Variants in KIF1C observed in about 807,000 individuals in gnomAD.
The protein encoded by KIF1C is kinesin family member 1C.
In KIF1C, 61 loss-of-function variants were observed where a neutral mutation model predicts 126.5. The ratio of observed to expected loss-of-function variants is 0.48; its 90% CI spans 0.39 to 0.60. The LOEUF (loss-of-function observed/expected upper bound fraction) is 0.60, where lower values mean the gene tolerates loss of function less well. Among genes scored for constraint, KIF1C ranks in the 20% least tolerant of loss-of-function variants. The pLI is 0.00. For missense variants in KIF1C, 1,315 were observed against 1,489.2 expected (o/e 0.88, Z 1.93); for synonymous variants, 640 against 580.6 (o/e 1.10, Z -1.47).
intron 1 of KIF1C, among the ~76,000 whole-genome samples, chr17:4,999,498 C>T (rs1292662486): frequency 6.6e-6 from 1 of 151,908 alleles, no homozygotes; most frequent in Non-Finnish European, 1.5e-5. Context: ...TCAGGCTTGC[C>T]TTTTGTCTTA....
rs1974754198 is a variant in KIF1C, at chr17:5,007,181, G to A, written c.1336-82G>A. 3.2e-6 allele frequency: 5 copies of A among 1,565,774 alleles called. No individual in the cohort carries two copies. In the South Asian group the frequency reaches 3.4e-5, roughly 11 times the overall value. On this transcript the variant is annotated intron_variant, in intron 14 of 22. Coordinates refer to ENST00000320785, the MANE Select transcript of KIF1C (RefSeq NM_006612.6). Reference sequence around the variant, plus strand: ...TGAGAAAGAAGGAATTCTAGGAGTAGCATGGCCCCAGGGTAGGTTGTCCCT... The same window carrying A: ...TGAGAAAGAAGGAATTCTAGGAGTAACATGGCCCCAGGGTAGGTTGTCCCT...
At chr17:5,004,184 C>A in intron 11 of KIF1C, 111 bp downstream of exon 11, 1 of 841,170 alleles carries the variant, frequency 1.2e-6, no homozygotes, top group Non-Finnish European at 2.0e-6. Flanking sequence ...CGTTGTCTTA[C>A]TTCTCCCCCT....
rs372705324 is a variant in KIF1C at position 5,022,648 on chromosome 17, G to A, written c.2567G>A (p.Arg856Gln). ...AAGCTGCAGAACAGCAGCAAGGACC[G>A]GGAGCTGCAGGCCCTGCGGGACCGC... ...EVKLQNSSKD[R>Q]ELQALRDRML... Residue 856 changes from arginine (R) to glutamine (Q), a missense_variant, in exon 22 of 23, where the codon CGG becomes CAG. Arg to Gln is a conservative substitution (Grantham distance 43, BLOSUM62 1). This residue lies in a region of KIF1C where 441 missense variants were observed against 436.1 expected (regional missense o/e 1.01). Transcript: ENST00000320785. This position sits in a 1 kb window ranked among gnomAD's most constrained non-coding sequence, Gnocchi z 4.9. The A allele has an allele frequency of 1.3e-5, 21 of 1,601,896 alleles. No homozygotes were observed. In the East Asian group the frequency reaches 1.6e-4, roughly 12 times the overall value.
Position 5,022,545 on chromosome 17 carries a change from G to A in KIF1C, c.2464G>A (p.Glu822Lys), listed in dbSNP as rs1487328639. 17 of 1,589,112 alleles carry A rather than the reference G, an allele frequency of 1.1e-5. No individual in the cohort carries two copies. The highest frequency in any genetic ancestry group is 1.5e-5 in the Non-Finnish European group (17 of 1,167,134). Residue 822 changes from glutamate to lysine, a missense_variant, in exon 22 of 23, where the codon GAG (glutamate) becomes AAG (lysine). Physicochemically the swap from Glu to Lys is moderately conservative, Grantham distance 56. Transcript: ENST00000320785. This position sits in a 1 kb window ranked among gnomAD's most constrained non-coding sequence, Gnocchi z 4.9. ...GGGAGSGGGS[E>K]EGARGAEVED... is the part of the protein sequence containing the mutation. ...TGGAGCTGGCAGTGGTGGTGGCAGTGAGGAGGGAGCCCGAGGGGCGGAGGT... is the reference window on the plus strand; with the variant it reads ...TGGAGCTGGCAGTGGTGGTGGCAGTAAGGAGGGAGCCCGAGGGGCGGAGGT...
chr17:5,006,871 C>T (rs1051351081), intron 13 of KIF1C, 44 bp from the exon 14 acceptor site: 11 of 1,603,972 alleles, frequency 6.9e-6, no homozygotes, highest in Non-Finnish European at 9.4e-6. Context: ...TCATCAGCTC[C>T]TTCTTTCCTT....
chr17:5,007,508 A>G lies in KIF1C; in HGVS notation c.1457A>G (p.Asp486Gly), dbSNP rs1173171673. Residue 486 changes from aspartate to glycine, a missense_variant, in exon 16 of 23, where the codon GAT (aspartate) becomes GGT (glycine). Asp to Gly is a moderately conservative substitution (Grantham distance 94). This residue lies in a region of KIF1C where 874 missense variants were observed against 1,053.2 expected (regional missense o/e 0.83). Transcript: ENST00000320785. Reference protein sequence around the residue: ...LAEMGVAVREDGGTVGVFSPK... With the variant: ...LAEMGVAVREGGGTVGVFSPK... ...GAGATGGGGGTGGCCGTCCGGGAGG[A>G]TGGGGGAACTGTGGGCGTCTTCTCT... 6.4e-7 allele frequency: 1 copy of G among 1,570,266 alleles called. No homozygotes were observed. The highest frequency in any genetic ancestry group is 8.6e-7 in the Non-Finnish European group (1 of 1,158,126).
rs1974935667 is a variant in KIF1C, at chr17:5,014,728, C to T, written c.1572-15C>T. On this transcript the variant is annotated splice_polypyrimidine_tract_variant and intron_variant, in intron 17 of 22. Coordinates refer to ENST00000320785, the MANE Select transcript of KIF1C (RefSeq NM_006612.6). ...TCTGGCACATGCTCACAAACGTTGG[C>T]CATTGCTTCCCCAGGGTCGGCCAAG... The T allele has an allele frequency of 1.9e-6, 3 of 1,570,418 alleles. No homozygotes were observed. In the African/African-American group the frequency reaches 4.0e-5, roughly 21 times the overall value.
chr17:5,000,989 G>C, intron 4 of KIF1C, 141 bp downstream of exon 4: 1 of 976,342 alleles, frequency 1.0e-6, no homozygotes, highest in Non-Finnish European at 1.6e-6. Context: ...GGGGTGGTAG[G>C]ACCCTTAGGC....
At chr17:5,002,864 C>T in intron 8 of KIF1C, 22 bp downstream of exon 8, 1 of 1,499,040 alleles carries the variant, frequency 6.7e-7, no homozygotes, top group East Asian at 2.3e-5. Context: ...CCCCCCCCCA[C>T]TCCCCCACCG....
At chr17:5,012,557 A>G (rs955216074) in intron 16 of KIF1C, among the ~76,000 whole-genome samples, 1 of 152,068 alleles carries the variant, frequency 6.6e-6, no homozygotes, top group South Asian at 2.1e-4. Context: ...CAGGGGAAAA[A>G]GTAGGCTCAA....
chr17:5,009,155 T>A (rs1974803096), intron 16 of KIF1C, among the ~76,000 whole-genome samples: 1 of 151,222 alleles, frequency 6.6e-6, no homozygotes, highest in Non-Finnish European at 1.5e-5. Context: ...ACCCTTAAGT[T>A]TCCCCTCAGA....
intron 18 of KIF1C, among the ~76,000 whole-genome samples, chr17:5,015,110 AG>A (rs1974945185): frequency 1.3e-5 from 2 of 152,164 alleles, no homozygotes; most frequent in Non-Finnish European, 2.9e-5. Context: ...AGTGAGCCAG[AG>A]TGTGGGATTT....
chr17:5,014,678 G>A (rs1974934677), intron 17 of KIF1C, 65 bp from the exon 18 acceptor site: 2 of 1,121,502 alleles, frequency 1.8e-6, no homozygotes, highest in East Asian at 2.6e-5. Context: ...GGATAAACTG[G>A]TGTTCAGGAG....
chr17:5,022,648 G>T lies in KIF1C; in HGVS notation c.2567G>T (p.Arg856Leu), dbSNP rs372705324. The T allele has an allele frequency of 1.9e-6, 3 of 1,601,896 alleles. No individual in the cohort carries two copies. The African/African-American group carries it at 4.0e-5, about 21-fold the overall frequency. ...EVKLQNSSKD[R>L]ELQALRDRML... ...AAGCTGCAGAACAGCAGCAAGGACC[G>T]GGAGCTGCAGGCCCTGCGGGACCGC... The change falls in exon 22 of 23, where the codon CGG becomes CTG. Residue 856 changes from arginine to leucine, a missense_variant. Around this residue, in one of 2 missense-constraint regions of KIF1C, gnomAD observed 441 missense variants for 436.1 expected, o/e 1.01. Coordinates refer to ENST00000320785, the MANE Select transcript of KIF1C (RefSeq NM_006612.6). The surrounding 1 kb of genome is among the most constrained non-coding windows in gnomAD (Gnocchi z 4.9).
intron 3 of KIF1C, 79 bp downstream of exon 3, chr17:5,000,431 A>G: frequency 2.1e-6 from 2 of 963,120 alleles, no homozygotes; most frequent in South Asian, 2.8e-5. Context: ...CGCTGGGCCA[A>G]ACTAAGAGGA....
intron 18 of KIF1C, chr17:5,019,742 G>A (rs916899126): frequency 5.7e-6 from 3 of 521,938 alleles, no homozygotes; most frequent in Non-Finnish European, 1.1e-5. Flanking sequence ...TGCTGCTGGG[G>A]AGGATAGAGG....
chr17:5,018,810 G>A (rs1240249907), intron 18 of KIF1C, among the ~76,000 whole-genome samples: 1 of 152,112 alleles, frequency 6.6e-6, no homozygotes, highest in Non-Finnish European at 1.5e-5. Flanking sequence ...ATGAGAGCAG[G>A]GATTTTTTGT....
At chr17:5,021,772 A>G (rs1478940386) in intron 21 of KIF1C, among the ~76,000 whole-genome samples, 1 of 151,108 alleles carries the variant, frequency 6.6e-6, no homozygotes, top group Non-Finnish European at 1.5e-5. Flanking sequence ...ACGAGCCACC[A>G]CCCCTCAATG....
In KIF1C at chr17:5,000,164, A is replaced by T. The variant is rs1050292687; in HGVS notation, c.-27-56A>T. 1.8e-5 allele frequency: 17 copies of T among 963,490 alleles called. No homozygotes were observed. The African/African-American group carries it at 2.6e-4, about 15-fold the overall frequency. The allele number at this position is 963,490 out of a possible 1,614,324, so 59.7% of individuals were successfully genotyped here. A position where few individuals can be genotyped will look rare whatever the true frequency, so the allele number is the denominator to read the frequency against. On this transcript the variant is annotated intron_variant, in intron 2 of 22. Coordinates refer to ENST00000320785, the MANE Select transcript of KIF1C (RefSeq NM_006612.6). ...TGGTTCCGGGAAGAAGCTGGGAGGC[A>T]ATGTCTGGGTCCCTGCAGTGGTTCT... is the stretch of plus-strand genomic sequence containing the variant.
Sources: allele counts gnomAD v4.1 joint callset (sites outside exome capture counted in the v4.1 genomes callset), GRCh38; gene constraint gnomAD v4.1.1; regional missense constraint gnomAD v4.1.1; non-coding constraint Gnocchi (gnomAD v3.1); transcripts MANE v1.5; gene names NCBI Gene and HGNC (gene_info 2026-07-23, HGNC 2026-07-21).